RASSF4: variants seen among roughly 807,000 people sequenced by gnomAD.
The protein encoded by RASSF4 is ras association domain-containing protein 4.
A neutral mutation model predicts 41.1 loss-of-function variants in RASSF4; 38 were observed. That is an observed-to-expected ratio of 0.92 (90% CI 0.71 to 1.21). The LOEUF (loss-of-function observed/expected upper bound fraction) is 1.21, where lower values mean the gene tolerates loss of function less well. Ranked by LOEUF, RASSF4 falls within the 50% of genes most tolerant of loss-of-function variation. The pLI, the probability that RASSF4 is intolerant of heterozygous loss-of-function variation, is 0.00. For synonymous variants in RASSF4, 179 were observed against 163.4 expected (o/e 1.10, Z -0.73); for missense variants, 414 against 419.4 (o/e 0.99, Z 0.11).
chr10:44,971,525 A>G (rs891057234), intron 2 of RASSF4: 2 of 656,334 alleles, frequency 3.0e-6, no homozygotes, highest in African/African-American at 3.6e-5. Context: ...CCTGGACCAG[A>G]CGCAGGCCTG....
At position 44,982,602 on chromosome 10, in the gene RASSF4, G is replaced by T. The variant is rs1466161502; in HGVS notation, c.220G>T (p.Asp74Tyr). Residue 74 changes from aspartate (D) to tyrosine (Y), a missense_variant, in exon 4 of 11, where the codon GAC becomes TAC. Asp to Tyr is a radical substitution (Grantham distance 160). Transcript: ENST00000340258. ...RRPIRLQMQD[D>Y]REQVHLPSTS... ...GCCCATCCGGCTGCAGATGCAGGAT[G>T]ACCGGGAGCAGGTGCACCTCCCCTC... 4.3e-6 allele frequency: 7 copies of T among 1,613,022 alleles called. No individual in the cohort carries two copies. The highest frequency in any genetic ancestry group is 5.9e-6 in the Non-Finnish European group (7 of 1,179,460).
intron 3 of RASSF4, chr10:44,982,232 A>C (rs1019122056): frequency 4.3e-6 from 2 of 460,612 alleles, no homozygotes; most frequent in Non-Finnish European, 7.7e-6. Context: ...CGCGGTGTGG[A>C]CGTGCCTGCC....
intron 1 of RASSF4, among the ~76,000 whole-genome samples, chr10:44,966,470 T>A (rs1840907114): frequency 6.6e-6 from 1 of 152,178 alleles, no homozygotes; most frequent in African/African-American, 2.4e-5. Context: ...ACTCCTTGAA[T>A]TCCTTCCCAT....
chr10:44,982,386 T>C (rs1309736640), intron 3 of RASSF4, 135 bp from the exon 4 acceptor site: 1 of 1,078,246 alleles, frequency 9.3e-7, no homozygotes, highest in Non-Finnish European at 1.4e-6. Flanking sequence ...TGGCTGATGG[T>C]CCTTCCTGAG....
rs1397159261 is a variant in RASSF4 at position 44,994,839 on chromosome 10, T to C, written c.*1510T>C. On this transcript the variant is annotated 3_prime_UTR_variant, in exon 11 of 11. Transcript: ENST00000340258. Reference sequence around the variant, plus strand: ...CCATGTTTGGCAGAAGAGCCACAACTCGCTGCTCTAGGAGCCGACATGACT... The same window carrying C: ...CCATGTTTGGCAGAAGAGCCACAACCCGCTGCTCTAGGAGCCGACATGACT... 6.6e-6 allele frequency: 1 copy of C among 151,066 alleles called. No individual in the cohort carries two copies. The highest frequency in any genetic ancestry group is 2.4e-5 in the African/African-American group (1 of 41,040). The allele number at this position is 151,066 out of a possible 1,614,324, so 9.4% of individuals were successfully genotyped here. A position where few individuals can be genotyped will look rare whatever the true frequency, so the allele number is the denominator to read the frequency against.
At chr10:44,970,479 G>C (rs1389110105) in intron 2 of RASSF4, 1 of 561,630 alleles carries the variant, frequency 1.8e-6, no homozygotes, top group Non-Finnish European at 3.2e-6. Flanking sequence ...CAATAGAAAA[G>C]AGGCTCCAGA....
intron 2 of RASSF4, chr10:44,970,609 T>C (rs1348160952): frequency 4.3e-6 from 1 of 233,740 alleles, no homozygotes; most frequent in Non-Finnish European, 8.3e-6. Context: ...TTATTAATGC[T>C]AATTTCACCT....
At chr10:44,965,651 G>A (rs899990550) in intron 1 of RASSF4, among the ~76,000 whole-genome samples, 1 of 152,198 alleles carries the variant, frequency 6.6e-6, no homozygotes, top group Admixed American at 6.5e-5. Context: ...AGCCCAGCAA[G>A]CTGGAAAAAC....
chr10:44,974,008 GTACC>G (rs10534043), intron 3 of RASSF4, among the ~76,000 whole-genome samples: 116,686 of 151,768 alleles, frequency 0.77, 45,054 homozygotes, highest in African/African-American at 0.83. Flanking sequence ...ACAGCCCAGG[GTACC>G]GGTACCGGCC....
At chr10:44,970,305 T>G in intron 2 of RASSF4, 41 bp downstream of exon 2, 1 of 1,544,602 alleles carries the variant, frequency 6.5e-7, no homozygotes, top group Non-Finnish European at 9.0e-7. Context: ...AGTCTTCACA[T>G]TTGCCATCCC....
intron 1 of RASSF4, among the ~76,000 whole-genome samples, chr10:44,968,586 C>T (rs527650836): frequency 6.6e-5 from 10 of 152,286 alleles, no homozygotes; most frequent in East Asian, 5.8e-4. Context: ...GATGCTAGCA[C>T]AGAGGGCAGG....
At chr10:44,989,860 G>A in intron 8 of RASSF4, 139 bp downstream of exon 8, 2 of 740,762 alleles carry the variant, frequency 2.7e-6, no homozygotes, top group East Asian at 2.6e-5. Flanking sequence ...AGGGCACACT[G>A]TGCCTCCCAG....
chr10:44,987,599 GCAACCTTCCATTTGCAAAAA>G (rs1841966683), intron 6 of RASSF4, among the ~76,000 whole-genome samples: 1 of 142,816 alleles, frequency 7.0e-6, no homozygotes, highest in Admixed American at 7.0e-5. Context: ...TTGCTGTTCA[GCAACCTTCCATTTGCAAAAA>G]TGTGCACTTT....
rs1279622264 is a variant in RASSF4, at chr10:44,994,863, C to T, written c.*1534C>T. On this transcript the variant is annotated 3_prime_UTR_variant, in exon 11 of 11. Transcript: ENST00000340258. ...CTCGCTGCTCTAGGAGCCGACATGA[C>T]TCCTTCATTTCTGTGCATGCCCTGG... The T allele has an allele frequency of 2.6e-5, 4 of 152,062 alleles. No individual in the cohort carries two copies. Among genetic ancestry groups the T allele is most frequent in the African/African-American group, 9.7e-5 (4 of 41,376 alleles). The allele number at this position is 152,062 out of a possible 1,614,324, so 9.4% of individuals were successfully genotyped here.
intron 8 of RASSF4, chr10:44,990,544 G>C (rs114100135): frequency 0.021 from 3,264 of 156,234 alleles, 128 homozygotes; most frequent in African/African-American, 0.074. Context: ...TCAGCGGGAC[G>C]TGCTGTGCAG....
At chr10:44,977,026 G>T (rs917001568) in intron 3 of RASSF4, 1 of 172,680 alleles carries the variant, frequency 5.8e-6, no homozygotes, top group Non-Finnish European at 1.2e-5. Flanking sequence ...CACCAGCGAT[G>T]ATGGTAGCTA....
At position 44,964,117 on chromosome 10, in the gene RASSF4, C is replaced by T. The variant is rs547428969; in HGVS notation, c.-39+4251C>T. Among the ~76,000 whole-genome samples the T allele has an allele frequency of 4.6e-5, 7 of 152,394 alleles. No homozygotes were observed. The South Asian group carries it at 1.0e-3, about 23-fold the overall frequency. ...CGGCCCATGCCTAGCAGCTCTAAAG[C>T]CCTCGGCGGCCTTTGTCCCTCAGTA... On this transcript the variant is annotated intron_variant, in intron 1 of 10. Transcript: ENST00000340258.
intron 8 of RASSF4, 39 bp downstream of exon 8, chr10:44,989,760 GGTCTCTAC>G: frequency 6.3e-7 from 1 of 1,576,036 alleles, no homozygotes; most frequent in Non-Finnish European, 8.7e-7. Context: ...AAAAGCAAAA[GGTCTCTAC>G]CTGTTCAGCA....
chr10:44,971,403 C>A (rs1251240447), intron 2 of RASSF4: 2 of 447,538 alleles, frequency 4.5e-6, no homozygotes, highest in Non-Finnish European at 8.9e-6. Context: ...AGAGGCTGTA[C>A]AATGCCAAAA....
Sources: allele counts gnomAD v4.1 joint callset (sites outside exome capture counted in the v4.1 genomes callset), GRCh38; gene constraint gnomAD v4.1.1; transcripts MANE v1.5; gene names NCBI Gene and HGNC (gene_info 2026-07-23, HGNC 2026-07-21).